ZFP64: variants seen among roughly 807,000 people sequenced by gnomAD.
ZFP64 encodes zinc finger protein 64.
A neutral mutation model predicts 51.6 loss-of-function variants in ZFP64; 14 were observed. That is an observed-to-expected ratio of 0.27 (90% CI 0.18 to 0.42). The LOEUF is 0.42. ZFP64 is among the 10% of genes least tolerant of loss of function. ZFP64 has a pLI of 1.00. For synonymous variants in ZFP64, 375 were observed against 361.4 expected (o/e 1.04, Z -0.43); for missense variants, 754 against 906.8 (o/e 0.83, Z 2.16).
intron 2 of ZFP64, among the ~76,000 whole-genome samples, chr20:52,173,020 A>C (rs1389640150): frequency 1.3e-5 from 2 of 152,154 alleles, no homozygotes; most frequent in Admixed American, 1.3e-4. Context: ...TTCATGAAAT[A>C]GATAATCCAC....
chr20:52,161,450 CTTTT>C (rs11469696), intron 4 of ZFP64, among the ~76,000 whole-genome samples: 5 of 115,176 alleles, frequency 4.3e-5, no homozygotes, highest in East Asian at 2.5e-4. Flanking sequence ...TGATTGCTTT[CTTTT>C]TTTTTTTTTT....
chr20:52,136,360 A>G (rs1410373985), intron 5 of ZFP64, among the ~76,000 whole-genome samples: 2 of 152,090 alleles, frequency 1.3e-5, no homozygotes, highest in African/African-American at 4.8e-5. Flanking sequence ...TGGGAAAGAA[A>G]CCCCAGGTTG....
intron 5 of ZFP64, among the ~76,000 whole-genome samples, chr20:52,114,602 A>T (rs2122827721): frequency 6.6e-6 from 1 of 152,350 alleles, no homozygotes; most frequent in East Asian, 1.9e-4. Context: ...CACTCAGAAC[A>T]TCTACTGTTA....
intron 5 of ZFP64, among the ~76,000 whole-genome samples, chr20:52,144,219 T>A (rs1980400733): frequency 7.0e-6 from 1 of 142,476 alleles, no homozygotes; most frequent in African/African-American, 2.5e-5. Flanking sequence ...AAAGACTAAG[T>A]GAACTTAATA....
chr20:52,113,194 C>G (rs1372432422), intron 5 of ZFP64, among the ~76,000 whole-genome samples: 1 of 151,548 alleles, frequency 6.6e-6, no homozygotes, highest in Non-Finnish European at 1.5e-5. Flanking sequence ...ATTAGCCAGG[C>G]GTGGTGGCGG....
At chr20:52,124,529 A>C (rs1460004634) in intron 5 of ZFP64, among the ~76,000 whole-genome samples, 1 of 152,200 alleles carries the variant, frequency 6.6e-6, no homozygotes, top group African/African-American at 2.4e-5. Context: ...TGTGGTATTG[A>C]GTGTTCACTA....
chr20:52,089,041 TCCCCC>T, intron 7 of ZFP64: 1 of 520,686 alleles, frequency 1.9e-6, no homozygotes, highest in Non-Finnish European at 3.8e-6. Context: ...GCACGGCATC[TCCCCC>T]TAGGCTGTTG....
At chr20:52,151,191 T>C, downstream of ZFP64, 2 of 980,818 alleles carry the variant, frequency 2.0e-6, no homozygotes, top group South Asian at 9.4e-5. Flanking sequence ...CTAAAAACCT[T>C]TGCTGCTTCA....
chr20:52,156,272 G>A (rs1263085577), intron 5 of ZFP64, among the ~76,000 whole-genome samples: 1 of 152,140 alleles, frequency 6.6e-6, no homozygotes, highest in South Asian at 2.1e-4. Flanking sequence ...AGTTAGGCAT[G>A]TTCTCCCGTG....
At chr20:52,091,912 C>G (rs2078931576) in intron 7 of ZFP64, among the ~76,000 whole-genome samples, 1 of 151,676 alleles carries the variant, frequency 6.6e-6, no homozygotes, top group African/African-American at 2.4e-5. Context: ...ATCGCTTGAA[C>G]CCAGGAGGTG....
intron 2 of ZFP64, among the ~76,000 whole-genome samples, chr20:52,171,411 G>A (rs536707153): frequency 2.0e-5 from 3 of 152,164 alleles, no homozygotes; most frequent in South Asian, 2.1e-4. Context: ...ATGTGTATGC[G>A]TATGTGTATG....
intron 1 of ZFP64, among the ~76,000 whole-genome samples, chr20:52,189,008 A>T (rs574041958): frequency 5.3e-5 from 8 of 152,288 alleles, no homozygotes; most frequent in Non-Finnish European, 1.2e-4. Context: ...CGTGTTTATA[A>T]GAAAATTTAG....
exon 9 of ZFP64, chr20:52,084,804 C>T: frequency 6.2e-7 from 1 of 1,614,200 alleles, no homozygotes; most frequent in East Asian, 2.2e-5. Context: ...GCTGCCCTCT[C>T]TGAGCCCTTC....
intron 5 of ZFP64, among the ~76,000 whole-genome samples, chr20:52,102,837 T>C (rs902302955): frequency 2.6e-5 from 4 of 152,220 alleles, no homozygotes; most frequent in African/African-American, 4.8e-5. Flanking sequence ...CTTTAGTATA[T>C]GTAAGAGAAC....
intron 5 of ZFP64, among the ~76,000 whole-genome samples, chr20:52,125,974 T>C (rs1979429228): frequency 6.6e-6 from 1 of 152,022 alleles, no homozygotes; most frequent in African/African-American, 2.4e-5. Flanking sequence ...CTCCGCGCCC[T>C]GGGTTCAAGT....
At chr20:52,120,802 T>G (rs1336090719) in intron 5 of ZFP64, among the ~76,000 whole-genome samples, 1 of 149,542 alleles carries the variant, frequency 6.7e-6, no homozygotes, top group Non-Finnish European at 1.5e-5. Context: ...TCAGCCTCCC[T>G]AGTAGCTGGG....
chr20:52,125,362 C>A (rs112027242), intron 5 of ZFP64, among the ~76,000 whole-genome samples: 93 of 152,274 alleles, frequency 6.1e-4, no homozygotes, highest in African/African-American at 2.1e-3. Context: ...GCAGGCCTGA[C>A]AGCCATAACC....
intron 5 of ZFP64, among the ~76,000 whole-genome samples, chr20:52,137,953 ATTGC>A (rs1453741401): frequency 2.0e-5 from 3 of 152,088 alleles, no homozygotes; most frequent in Non-Finnish European, 4.4e-5. Context: ...AAGCGAGCAG[ATTGC>A]TTGAGCCCAG....
In ZFP64 at chr20:52,161,740, A is replaced by G. The variant is rs1273708529; in HGVS notation, c.512-1366T>C. Among the ~76,000 whole-genome samples, 3 of 152,202 alleles carry G rather than the reference A, an allele frequency of 2.0e-5. No individual in the cohort carries two copies. The East Asian group carries it at 5.8e-4, about 29-fold the overall frequency. On this transcript the variant is annotated intron_variant, in intron 4 of 5. Transcript: ENST00000216923. ...GTGTATCATATTAACTTAGTAAGAC[A>G]TGGAAAAATTAAATGTGTGTGTTTT... is the stretch of plus-strand genomic sequence containing the variant.
Sources: gnomAD v4.1 joint callset for allele counts (sites outside exome capture counted in the v4.1 genomes callset) on GRCh38, gnomAD v4.1.1 for gene constraint, MANE v1.5 for transcripts, NCBI Gene and HGNC (gene_info 2026-07-23, HGNC 2026-07-21) for gene names.